The following IQCJ variants were observed in gnomAD, a reference collection of about 807,000 sequenced individuals.
IQCJ encodes IQ motif containing J.
In IQCJ, 9 loss-of-function variants were observed where a neutral mutation model predicts 11.0. The observed-to-expected ratio is 0.82, with a 90% CI of 0.49 to 1.43. The LOEUF (loss-of-function observed/expected upper bound fraction) is 1.43, where lower values mean the gene tolerates loss of function less well. Ranked by LOEUF, IQCJ falls within the 40% of genes most tolerant of loss-of-function variation. IQCJ has a pLI of 0.00. For missense variants in IQCJ, 146 were observed against 133.2 expected (o/e 1.10, Z -0.47); for synonymous variants, 55 against 51.3 (o/e 1.07, Z -0.31).
chr3:159,123,965 C>G (rs555857448), intron 1 of IQCJ, among the ~76,000 whole-genome samples: 1 of 152,284 alleles, frequency 6.6e-6, no homozygotes. Context: ...TTTTCAGGGT[C>G]CATCACTGCC....
At chr3:159,139,813 C>CT (rs1422632711) in intron 1 of IQCJ, among the ~76,000 whole-genome samples, 1 of 152,158 alleles carries the variant, frequency 6.6e-6, no homozygotes, top group Admixed American at 6.5e-5. Context: ...AGGCCCTGCA[C>CT]TCAGTGTTTT....
chr3:159,088,161 T>A (rs987082640), intron 1 of IQCJ, among the ~76,000 whole-genome samples: 1 of 152,226 alleles, frequency 6.6e-6, no homozygotes, highest in Admixed American at 6.5e-5. Context: ...TATTTCTGCC[T>A]TCATTTCCTT....
At chr3:159,089,394 T>C (rs1368767707) in intron 1 of IQCJ, among the ~76,000 whole-genome samples, 9 of 152,090 alleles carry the variant, frequency 5.9e-5, no homozygotes, top group Admixed American at 3.9e-4. Flanking sequence ...GACAATTATG[T>C]GTCTTGGAGT....
At chr3:159,185,015 G>A (rs1723301447) in intron 1 of IQCJ, among the ~76,000 whole-genome samples, 1 of 152,072 alleles carries the variant, frequency 6.6e-6, no homozygotes, top group Non-Finnish European at 1.5e-5. Flanking sequence ...CAAAATCATG[G>A]CCGCATAGCC....
intron 1 of IQCJ, among the ~76,000 whole-genome samples, chr3:159,215,871 G>A (rs879695062): frequency 2.0e-5 from 3 of 151,928 alleles, no homozygotes; most frequent in Admixed American, 2.0e-4. Flanking sequence ...TTTCATGTTT[G>A]TTTCCCCTAC....
chr3:159,170,829 A>G (rs1158871616), intron 1 of IQCJ, among the ~76,000 whole-genome samples: 1 of 152,178 alleles, frequency 6.6e-6, no homozygotes, highest in Non-Finnish European at 1.5e-5. Flanking sequence ...CCTTTCTCAT[A>G]GCCCAAGTTA....
At chr3:159,089,867 G>C (rs933027172) in intron 1 of IQCJ, among the ~76,000 whole-genome samples, 1 of 151,698 alleles carries the variant, frequency 6.6e-6, no homozygotes, top group Non-Finnish European at 1.5e-5. Context: ...TGGTTTGAGT[G>C]TCCTCCTGTA....
intron 1 of IQCJ, among the ~76,000 whole-genome samples, chr3:159,120,615 T>G (rs371752794): frequency 3.9e-5 from 6 of 152,358 alleles, no homozygotes; most frequent in East Asian, 1.9e-4. Context: ...AAATCAATGC[T>G]GTACTGAAGA....
intron 3 of IQCJ, among the ~76,000 whole-genome samples, chr3:159,261,782 A>G (rs1478111591): frequency 6.6e-6 from 1 of 152,166 alleles, no homozygotes; most frequent in Non-Finnish European, 1.5e-5. Flanking sequence ...AAGATAATTT[A>G]TTTTTTCTGA....
rs1218993408 is a variant in IQCJ, at chr3:159,202,922, C to G, written c.10-42921C>G. On this transcript the variant is annotated intron_variant, in intron 1 of 3. Coordinates refer to ENST00000397832, the MANE Select transcript of IQCJ (RefSeq NM_001042706.3). ...GGAGGGAGCCACCTCAGTCAGCTTT[C>G]TTTTCAGCTCAGTGATCACAGCTGA... is the stretch of plus-strand genomic sequence containing the variant. Among the ~76,000 whole-genome samples the G allele has an allele frequency of 3.3e-5, 5 of 152,218 alleles. No individual in the cohort carries two copies. The East Asian group carries it at 7.8e-4, about 24-fold the overall frequency.
At chr3:159,156,916 G>T (rs1345937018) in intron 1 of IQCJ, among the ~76,000 whole-genome samples, 1 of 152,114 alleles carries the variant, frequency 6.6e-6, no homozygotes, top group Non-Finnish European at 1.5e-5. Flanking sequence ...CAGCCAGGGG[G>T]CTTACTAGAC....
intron 1 of IQCJ, among the ~76,000 whole-genome samples, chr3:159,169,921 C>A (rs926964489): frequency 6.6e-6 from 1 of 152,166 alleles, no homozygotes; most frequent in African/African-American, 2.4e-5. Flanking sequence ...ACTTCCACCC[C>A]TCATCACTCC....
At chr3:159,075,395 C>T (rs1162279170) in intron 1 of IQCJ, among the ~76,000 whole-genome samples, 1 of 152,038 alleles carries the variant, frequency 6.6e-6, no homozygotes, top group African/African-American at 2.4e-5. Flanking sequence ...GAATAACTGC[C>T]TACATTGACT....
At chr3:159,088,673 A>C (rs1716988886) in intron 1 of IQCJ, among the ~76,000 whole-genome samples, 1 of 152,086 alleles carries the variant, frequency 6.6e-6, no homozygotes, top group Non-Finnish European at 1.5e-5. Context: ...CCATTATGTA[A>C]TGGCCTTCTT....
chr3:159,145,343 A>G (rs1355826199), intron 1 of IQCJ, among the ~76,000 whole-genome samples: 1 of 152,224 alleles, frequency 6.6e-6, no homozygotes, highest in African/African-American at 2.4e-5. Context: ...CCATGCATAG[A>G]GTTAAATGTC....
intron 1 of IQCJ, among the ~76,000 whole-genome samples, chr3:159,206,703 G>C (rs1724674540): frequency 6.6e-6 from 1 of 152,038 alleles, no homozygotes; most frequent in Non-Finnish European, 1.5e-5. Flanking sequence ...TAATTCTTAA[G>C]CTTTTCTTTT....
chr3:159,178,427 C>T (rs181821316), intron 1 of IQCJ, among the ~76,000 whole-genome samples: 34 of 152,270 alleles, frequency 2.2e-4, no homozygotes, highest in Middle Eastern at 3.4e-3. Context: ...TGCAGTCCTT[C>T]GATCAGCCCA....
intron 1 of IQCJ, among the ~76,000 whole-genome samples, chr3:159,194,466 A>G (rs1158147756): frequency 6.6e-6 from 1 of 152,198 alleles, no homozygotes; most frequent in Non-Finnish European, 1.5e-5. Context: ...AAGGGAGCCC[A>G]ACACTGTTGT....
At chr3:159,209,980 CA>C (rs1560026575) in intron 1 of IQCJ, among the ~76,000 whole-genome samples, 1 of 152,130 alleles carries the variant, frequency 6.6e-6, no homozygotes, top group Non-Finnish European at 1.5e-5. Flanking sequence ...CATGTTATTA[CA>C]GAAGCTAACT....
Sources: gnomAD v4.1 joint callset for allele counts (sites outside exome capture counted in the v4.1 genomes callset) on GRCh38, gnomAD v4.1.1 for gene constraint, MANE v1.5 for transcripts, NCBI Gene and HGNC (gene_info 2026-07-23, HGNC 2026-07-21) for gene names.